NAALADL2: variants seen among roughly 807,000 people sequenced by gnomAD.
NAALADL2 encodes inactive N-acetylated-alpha-linked acidic dipeptidase-like protein 2.
NAALADL2 carries 76 observed loss-of-function variants against 87.2 expected under a neutral mutation model. The ratio of observed to expected loss-of-function variants is 0.87; its 90% CI spans 0.72 to 1.05. The LOEUF (loss-of-function observed/expected upper bound fraction) is 1.05, where lower values mean the gene tolerates loss of function less well. Ranked by LOEUF, NAALADL2 falls within the 50% of genes least tolerant of loss-of-function variation. The probability of loss-of-function intolerance (pLI) is 0.00; values close to 1 mark genes in which losing one functional copy is unlikely to be tolerated. For synonymous variants in NAALADL2, 354 were observed against 331.0 expected (o/e 1.07, Z -0.75); for missense variants, 1,089 against 945.8 (o/e 1.15, Z -1.99).
intron 1 of NAALADL2, among the ~76,000 whole-genome samples, chr3:175,004,696 T>C (rs1354822668): frequency 6.6e-6 from 1 of 152,166 alleles, no homozygotes; most frequent in Non-Finnish European, 1.5e-5. Flanking sequence ...GTGACACTTT[T>C]GATTTCTGAT....
At chr3:175,718,227 T>TTTGTTTAAAA in intron 11 of NAALADL2, 1 of 1,037,686 alleles carries the variant, frequency 9.6e-7, no homozygotes, top group Non-Finnish European at 1.4e-6. Flanking sequence ...TTTTTTTGAT[T>TTTGTTTAAAA]AGTTGCTGTA....
chr3:174,464,828 G>A (rs1008395623), intron 1 of NAALADL2, among the ~76,000 whole-genome samples: 13 of 151,796 alleles, frequency 8.6e-5, no homozygotes, highest in Non-Finnish European at 1.5e-5. Context: ...TCACTCTTCA[G>A]GTAAAAATGT....
At chr3:174,488,641 G>GT (rs907861274) in intron 1 of NAALADL2, among the ~76,000 whole-genome samples, 16 of 151,646 alleles carry the variant, frequency 1.1e-4, no homozygotes, top group South Asian at 4.2e-4. Context: ...TTAGTTGACT[G>GT]TTTTTTTTCA....
At chr3:175,746,320 T>G (rs1006999302) in intron 12 of NAALADL2, among the ~76,000 whole-genome samples, 9 of 151,624 alleles carry the variant, frequency 5.9e-5, no homozygotes, top group African/African-American at 1.9e-4. Flanking sequence ...GGTTTGTTTT[T>G]TTTTTTTTTT....
intron 2 of NAALADL2, among the ~76,000 whole-genome samples, chr3:175,145,434 C>T (rs1214311406): frequency 6.6e-5 from 10 of 152,114 alleles, no homozygotes; most frequent in Non-Finnish European, 1.5e-5. Context: ...AACAGATTGC[C>T]TTCAGAATTA....
chr3:174,840,373 G>T (rs939890459), intron 3 of NAALADL2, among the ~76,000 whole-genome samples: 6 of 151,948 alleles, frequency 3.9e-5, no homozygotes, highest in African/African-American at 9.7e-5. Flanking sequence ...TGCTCTCAAG[G>T]TGTGCACTAG....
chr3:174,676,031 A>G (rs949616233), intron 2 of NAALADL2, among the ~76,000 whole-genome samples: 11 of 152,162 alleles, frequency 7.2e-5, no homozygotes, highest in African/African-American at 2.6e-4. Context: ...TTGCATTCTG[A>G]TTCATGATGA....
At chr3:174,603,740 A>T (rs949488849) in intron 2 of NAALADL2, among the ~76,000 whole-genome samples, 2 of 151,454 alleles carry the variant, frequency 1.3e-5, no homozygotes, top group African/African-American at 2.4e-5. Context: ...CTTAGTACTG[A>T]TTTTGCTGTA....
chr3:174,959,498 A>T (rs1741672104), intron 1 of NAALADL2, among the ~76,000 whole-genome samples: 1 of 152,018 alleles, frequency 6.6e-6, no homozygotes, highest in Admixed American at 6.6e-5. Flanking sequence ...CACAAAATTT[A>T]ACAAGATTGC....
intron 5 of NAALADL2, among the ~76,000 whole-genome samples, chr3:175,420,626 G>C (rs1200663964): frequency 6.6e-6 from 1 of 151,870 alleles, no homozygotes; most frequent in African/African-American, 2.4e-5. Flanking sequence ...AAAGATAATT[G>C]TTTAAAAAAG....
At chr3:174,872,608 A>G (rs1412933353) in intron 1 of NAALADL2, among the ~76,000 whole-genome samples, 2 of 152,170 alleles carry the variant, frequency 1.3e-5, no homozygotes, top group Non-Finnish European at 2.9e-5. Context: ...GTATAGTGTT[A>G]GTAACTGCTG....
intron 3 of NAALADL2, among the ~76,000 whole-genome samples, chr3:174,763,359 C>T (rs574715325): frequency 1.2e-3 from 182 of 151,766 alleles, no homozygotes; most frequent in African/African-American, 4.3e-3. Flanking sequence ...GAGGCTGAGG[C>T]AGGTAGATTA....
intron 2 of NAALADL2, among the ~76,000 whole-genome samples, chr3:174,557,674 C>T (rs1245233723): frequency 6.6e-6 from 1 of 151,112 alleles, no homozygotes; most frequent in Non-Finnish European, 1.5e-5. Flanking sequence ...AGGTAGTCGT[C>T]TGGAGGAGTC....
At chr3:174,485,583 A>G (rs1717805733) in intron 1 of NAALADL2, among the ~76,000 whole-genome samples, 2 of 151,954 alleles carry the variant, frequency 1.3e-5, no homozygotes, top group Admixed American at 1.3e-4. Context: ...TTTGTTAAAG[A>G]TAATGATCTC....
At chr3:175,762,627 C>T (rs1748173644) in intron 13 of NAALADL2, among the ~76,000 whole-genome samples, 1 of 152,154 alleles carries the variant, frequency 6.6e-6, no homozygotes, top group African/African-American at 2.4e-5. Context: ...CCCAAGTTCT[C>T]TTTCCCCAGA....
chr3:175,352,993 A>G (rs1164212681), intron 5 of NAALADL2, among the ~76,000 whole-genome samples: 1 of 152,046 alleles, frequency 6.6e-6, no homozygotes, highest in Non-Finnish European at 1.5e-5. Flanking sequence ...AAATCAACGA[A>G]CCCTGAAAGA....
At chr3:174,605,358 A>G (rs11714623) in intron 2 of NAALADL2, among the ~76,000 whole-genome samples, 54,434 of 152,074 alleles carry the variant, frequency 0.36, 10,842 homozygotes, top group Middle Eastern at 0.47. Context: ...CCGAAGCAGG[A>G]CGAGGCATTG....
At chr3:175,571,149 T>A (rs566564779) in intron 9 of NAALADL2, among the ~76,000 whole-genome samples, 1 of 152,336 alleles carries the variant, frequency 6.6e-6, no homozygotes, top group Admixed American at 6.5e-5. Context: ...GACTTAATTT[T>A]TTTATCTTAC....
Position 175,310,572 on chromosome 3 carries a change from T to C in NAALADL2, c.940-13603T>C, listed in dbSNP as rs551028740. 4.1e-4 allele frequency among the ~76,000 whole-genome samples: 63 copies of C among 152,154 alleles called. 1 individual carries two copies. The highest frequency in any genetic ancestry group is 1.4e-3 in the African/African-American group (59 of 41,570). On this transcript the variant is annotated intron_variant, in intron 4 of 13. Transcript: ENST00000454872. Reference sequence around the variant, plus strand: ...CTCCCCATTTATTATGGCTTTATTATATATACTCTTAGTTAAGAATATTGG... The same window carrying C: ...CTCCCCATTTATTATGGCTTTATTACATATACTCTTAGTTAAGAATATTGG...
Sources: gnomAD v4.1 joint callset for allele counts (sites outside exome capture counted in the v4.1 genomes callset) on GRCh38, gnomAD v4.1.1 for gene constraint, MANE v1.5 for transcripts, NCBI Gene and HGNC (gene_info 2026-07-23, HGNC 2026-07-21) for gene names.